Variants in FSTL4 observed in about 807,000 individuals in gnomAD.
FSTL4 encodes the protein follistatin-related protein 4.
A neutral mutation model predicts 78.2 loss-of-function variants in FSTL4; 28 were observed. The ratio of observed to expected loss-of-function variants is 0.36; its 90% CI spans 0.27 to 0.49. The LOEUF (loss-of-function observed/expected upper bound fraction) is 0.49. Ranked by LOEUF, FSTL4 falls within the 20% of genes least tolerant of loss-of-function variation. FSTL4 has a pLI of 0.98. For missense variants in FSTL4, 922 were observed against 1,084.9 expected, an observed-to-expected ratio of 0.85 and a Z score of 2.11; for synonymous variants, 422 against 440.5, an observed-to-expected ratio of 0.96 and a Z score of 0.53.
At chr5:133,683,559 C>T in the FSTL4 span, among the ~76,000 whole-genome samples, 1 of 152,170 alleles carries the variant, frequency 6.6e-6, no homozygotes, top group Non-Finnish European at 1.5e-5. Context: ...GTTCACAGGC[C>T]ATGCATCAAG....
chr5:133,279,549 G>A (rs991840406), intron 6 of FSTL4, among the ~76,000 whole-genome samples: 1 of 152,194 alleles, frequency 6.6e-6, no homozygotes, highest in African/African-American at 2.4e-5. Context: ...GGTTGGCCAC[G>A]TGCACACATC....
chr5:133,522,876 T>C (rs922617352), intron 3 of FSTL4, among the ~76,000 whole-genome samples: 8 of 152,228 alleles, frequency 5.3e-5, no homozygotes, highest in Non-Finnish European at 1.0e-4. Context: ...CAAGCACTGA[T>C]TGGGAACTGT....
At chr5:133,334,291 A>G (rs969983858) in intron 4 of FSTL4, among the ~76,000 whole-genome samples, 2 of 151,994 alleles carry the variant, frequency 1.3e-5, no homozygotes, top group Non-Finnish European at 2.9e-5. Flanking sequence ...TCTCTTCCAC[A>G]CTCACATGAA....
chr5:133,740,611 G>A, the FSTL4 span, among the ~76,000 whole-genome samples: 55 of 152,222 alleles, frequency 3.6e-4, 1 homozygote, highest in Non-Finnish European at 6.3e-4. Flanking sequence ...AAGCACTCAC[G>A]CAGCAGCCAG....
At chr5:133,316,425 C>CTTAGA (rs762611585) in intron 5 of FSTL4, 34 bp downstream of exon 5, 1 of 1,565,262 alleles carries the variant, frequency 6.4e-7, no homozygotes, top group South Asian at 1.1e-5. Context: ...CTGGATTCCT[C>CTTAGA]CATCATGTGA....
the FSTL4 span, among the ~76,000 whole-genome samples, chr5:133,619,587 A>G: frequency 6.6e-6 from 1 of 152,232 alleles, no homozygotes. Flanking sequence ...CAAGCTGGTC[A>G]GCAGTTGAAG....
the FSTL4 span, among the ~76,000 whole-genome samples, chr5:133,807,158 G>A: frequency 6.6e-6 from 1 of 152,212 alleles, no homozygotes; most frequent in African/African-American, 2.4e-5. Flanking sequence ...AGAAGAGGAG[G>A]CTAGGAAGAA....
At chr5:133,836,633 G>T in the FSTL4 span, among the ~76,000 whole-genome samples, 2 of 151,030 alleles carry the variant, frequency 1.3e-5, no homozygotes, top group African/African-American at 4.9e-5. Context: ...TCTGTCTTCA[G>T]ATGTTCCTTT....
At chr5:133,821,180 GAA>G in the FSTL4 span, among the ~76,000 whole-genome samples, 407 of 152,314 alleles carry the variant, frequency 2.7e-3, 3 homozygotes, top group African/African-American at 9.2e-3. Flanking sequence ...CCTTTCTTTA[GAA>G]AAAATAATAT....
At chr5:133,460,178 G>A (rs1316791593) in intron 3 of FSTL4, among the ~76,000 whole-genome samples, 1 of 152,162 alleles carries the variant, frequency 6.6e-6, no homozygotes, top group African/African-American at 2.4e-5. Context: ...ACTGTGGAGT[G>A]TACTTTCATT....
At chr5:133,475,032 C>G (rs1313332256) in intron 3 of FSTL4, among the ~76,000 whole-genome samples, 2 of 152,224 alleles carry the variant, frequency 1.3e-5, no homozygotes, top group African/African-American at 4.8e-5. Flanking sequence ...AATGCCTCAG[C>G]TCATGTGTCA....
intron 13 of FSTL4, among the ~76,000 whole-genome samples, chr5:133,211,921 C>A (rs1184694547): frequency 1.3e-5 from 2 of 152,172 alleles, no homozygotes; most frequent in Non-Finnish European, 2.9e-5. Flanking sequence ...TATCTCTTCT[C>A]CACTCATCAC....
At chr5:133,408,996 G>A (rs188039950) in intron 3 of FSTL4, among the ~76,000 whole-genome samples, 48 of 152,284 alleles carry the variant, frequency 3.2e-4, no homozygotes, top group Middle Eastern at 3.4e-3. Flanking sequence ...TAATGGAAAG[G>A]TGAACATATT....
chr5:133,304,809 A>T (rs969396042), intron 6 of FSTL4, among the ~76,000 whole-genome samples: 2 of 152,214 alleles, frequency 1.3e-5, no homozygotes, highest in Admixed American at 1.3e-4. Flanking sequence ...CTGGTTCAGA[A>T]TTGAGCCCTC....
chr5:133,414,321 G>A (rs544357716), intron 3 of FSTL4, among the ~76,000 whole-genome samples: 6 of 152,292 alleles, frequency 3.9e-5, no homozygotes, highest in Non-Finnish European at 1.5e-5. Context: ...TTGGGACTGG[G>A]TGGATTTCTT....
intron 4 of FSTL4, among the ~76,000 whole-genome samples, chr5:133,371,550 G>T (rs1245750860): frequency 1.3e-5 from 2 of 152,172 alleles, no homozygotes; most frequent in Non-Finnish European, 2.9e-5. Context: ...CACTTGTCTG[G>T]CACAACACAA....
the FSTL4 span, among the ~76,000 whole-genome samples, chr5:133,763,747 G>C: frequency 1.1e-4 from 17 of 152,230 alleles, no homozygotes; most frequent in African/African-American, 4.1e-4. Flanking sequence ...TTCAAAAAGA[G>C]AGAGACTGAA....
chr5:133,379,850 G>A (rs1187959024), intron 4 of FSTL4, among the ~76,000 whole-genome samples: 1 of 152,102 alleles, frequency 6.6e-6, no homozygotes, highest in East Asian at 1.9e-4. Flanking sequence ...GCTGAGGCAG[G>A]CGGATCACAA....
At chr5:133,417,342 A>C (rs936563098) in intron 3 of FSTL4, among the ~76,000 whole-genome samples, 2 of 147,266 alleles carry the variant, frequency 1.4e-5, no homozygotes, top group African/African-American at 5.5e-5. Flanking sequence ...CAGAGAGAAA[A>C]AAGAATGAAA....
Sources: gnomAD v4.1 joint callset for allele counts (sites outside exome capture counted in the v4.1 genomes callset) on GRCh38, gnomAD v4.1.1 for gene constraint, MANE v1.5 for transcripts, NCBI Gene and HGNC (gene_info 2026-07-23, HGNC 2026-07-21) for gene names.